The following FHL5 variants were observed in gnomAD, a reference collection of about 807,000 sequenced individuals.
FHL5 encodes the protein four and a half LIM domains 5, also known as four and a half LIM domains protein 5.
In FHL5, 33 loss-of-function variants were observed where a neutral mutation model predicts 32.0. The ratio of observed to expected loss-of-function variants is 1.03; its 90% confidence interval spans 0.78 to 1.38. The LOEUF is 1.38. FHL5 is among the 40% of genes most tolerant of loss of function. The pLI, the probability that FHL5 is intolerant of heterozygous loss-of-function variation, is 0.00. For missense variants in FHL5, 336 were observed against 343.9 expected (o/e 0.98, Z 0.18); for synonymous variants, 114 against 113.6 (o/e 1.00, Z -0.02).
At chr6:96,602,542 G>T (rs1396932705) in intron 1 of FHL5, among the ~76,000 whole-genome samples, 2 of 142,534 alleles carry the variant, frequency 1.4e-5, no homozygotes, top group African/African-American at 5.3e-5. Flanking sequence ...CGCCTCCCGG[G>T]TTCACGCCAT....
Position 96,604,794 on chromosome 6 carries a change from G to C in FHL5, c.204G>C (p.Lys68Asn). Reference protein sequence around the residue: ...KDRHWHEGCFKCTKCNHSLVE... With the variant: ...KDRHWHEGCFNCTKCNHSLVE... ...GGCACTGGCATGAAGGATGCTTCAAGTGCACCAAATGCAATCACTCTTTGG... is the reference window on the plus strand; with the variant it reads ...GGCACTGGCATGAAGGATGCTTCAACTGCACCAAATGCAATCACTCTTTGG... Residue 68 changes from lysine (K) to asparagine (N), a missense_variant, in exon 3 of 6, where the codon AAG (lysine) becomes AAC (asparagine). Transcript: ENST00000450218. 6.2e-7 allele frequency: 1 copy of C among 1,614,000 alleles called. No homozygotes were observed. Among genetic ancestry groups the C allele is most frequent in the Non-Finnish European group, 8.5e-7 (1 of 1,179,906 alleles).
At chr6:96,564,567 C>T (rs973914299) in intron 1 of FHL5, among the ~76,000 whole-genome samples, 5 of 151,910 alleles carry the variant, frequency 3.3e-5, no homozygotes, top group Non-Finnish European at 5.9e-5. Flanking sequence ...TTGAGTAAAG[C>T]TGAATTAATC....
At chr6:96,588,701 C>G (rs927861774) in intron 1 of FHL5, among the ~76,000 whole-genome samples, 1 of 151,920 alleles carries the variant, frequency 6.6e-6, no homozygotes, top group African/African-American at 2.4e-5. Context: ...GAATTAAAAA[C>G]AAGCTAATGG....
At chr6:96,606,800 G>A (rs1032116678) in intron 4 of FHL5, among the ~76,000 whole-genome samples, 4 of 152,152 alleles carry the variant, frequency 2.6e-5, no homozygotes, top group African/African-American at 9.7e-5. Context: ...AAGTGACTAA[G>A]GGAACCAAGT....
chr6:96,589,579 G>A (rs1405295539), intron 1 of FHL5, among the ~76,000 whole-genome samples: 2 of 151,860 alleles, frequency 1.3e-5, no homozygotes, highest in East Asian at 3.9e-4. Context: ...ACATGTTTTG[G>A]ATATGACTTC....
intron 1 of FHL5, among the ~76,000 whole-genome samples, chr6:96,564,878 A>AGGAGAGGAAGAGAAGAAAGAG (rs1770319235): frequency 2.0e-5 from 3 of 152,078 alleles, no homozygotes; most frequent in Admixed American, 2.0e-4. Context: ...AGCTCATTGA[A>AGGAGAGGAAGAGAAGAAAGAG]GGAGAGGAAG....
chr6:96,596,121 CT>C (rs1771028445), intron 1 of FHL5, among the ~76,000 whole-genome samples: 1 of 151,814 alleles, frequency 6.6e-6, no homozygotes, highest in Non-Finnish European at 1.5e-5. Context: ...AGTTTTAGAC[CT>C]TACAGTTAGT....
At chr6:96,571,842 G>A (rs1770485111) in intron 1 of FHL5, among the ~76,000 whole-genome samples, 1 of 152,116 alleles carries the variant, frequency 6.6e-6, no homozygotes, top group South Asian at 2.1e-4. Context: ...AGTAGTGATT[G>A]TAGACCCTGG....
At chr6:96,574,767 T>A (rs1402613065) in intron 1 of FHL5, among the ~76,000 whole-genome samples, 2 of 152,200 alleles carry the variant, frequency 1.3e-5, no homozygotes, top group Non-Finnish European at 2.9e-5. Context: ...CTATTCCAAA[T>A]AATATATATA....
At chr6:96,577,691 G>A (rs1327169156) in intron 1 of FHL5, among the ~76,000 whole-genome samples, 3 of 152,152 alleles carry the variant, frequency 2.0e-5, no homozygotes. Flanking sequence ...GAACCTCTCT[G>A]CTCATGCTTA....
intron 1 of FHL5, among the ~76,000 whole-genome samples, chr6:96,572,983 A>T (rs1482373428): frequency 1.3e-5 from 2 of 152,204 alleles, no homozygotes; most frequent in Non-Finnish European, 2.9e-5. Flanking sequence ...AGGGGCTTCT[A>T]GTTGGCTATC....
chr6:96,565,765 T>C (rs1215441869), intron 1 of FHL5, among the ~76,000 whole-genome samples: 1 of 152,178 alleles, frequency 6.6e-6, no homozygotes, highest in Non-Finnish European at 1.5e-5. Context: ...TGATTTTGTT[T>C]AACTATCTCT....
chr6:96,594,663 TGG>T (rs1770998538), intron 1 of FHL5, among the ~76,000 whole-genome samples: 1 of 152,018 alleles, frequency 6.6e-6, no homozygotes, highest in Non-Finnish European at 1.5e-5. Context: ...ACCACTCATT[TGG>T]TTTGATTTGG....
intron 1 of FHL5, among the ~76,000 whole-genome samples, chr6:96,590,520 T>C (rs1562058253): frequency 6.6e-6 from 1 of 152,006 alleles, no homozygotes; most frequent in Non-Finnish European, 1.5e-5. Flanking sequence ...TATTATAGAA[T>C]TTTTTTGATT....
chr6:96,618,590 A>C lies in FHL5; in HGVS notation c.*2818A>C, dbSNP rs1771568608. Among the ~76,000 whole-genome samples, 1 of 152,220 alleles carries C rather than the reference A, an allele frequency of 6.6e-6. No homozygotes were observed. The highest frequency in any genetic ancestry group is 2.1e-4 in the South Asian group (1 of 4,834). ...GTTCCAAGGATTAAGTTTCTTACTG[A>C]AGGAATAAGTTTGGTTAATGGCTAC... On this transcript the variant is annotated 3_prime_UTR_variant, in exon 6 of 6. Transcript: ENST00000450218.
rs1219277794 is a variant in FHL5 at position 96,610,751 on chromosome 6, C to T, written c.684C>T (p.Pro228=). ...ACAAGTGTGTAGCCTGTTCCAAACC[C>T]ATTAGTGGTGAGTTCTTCAGTTCAA... is the stretch of plus-strand genomic sequence containing the variant. ...YANKCVACSK[P]ISGLTGAKFI... is the part of the protein sequence containing the mutation. Residue 228 remains proline (P), a synonymous_variant, in exon 5 of 6, where the codon CCC becomes CCT. Transcript: ENST00000450218. 7 of 1,609,718 alleles carry T rather than the reference C, an allele frequency of 4.3e-6. No individual in the cohort carries two copies. The South Asian group carries it at 7.7e-5, about 18-fold the overall frequency.
Position 96,605,938 on chromosome 6 carries a change from A to G in FHL5, c.371A>G (p.His124Arg), listed in dbSNP as rs1186719540. The G allele has an allele frequency of 1.9e-6, 3 of 1,614,150 alleles. No homozygotes were observed. In the East Asian group the frequency reaches 6.7e-5, roughly 36 times the overall value. The change falls in exon 4 of 6, where the codon CAT (histidine) becomes CGT (arginine). Residue 124 changes from histidine to arginine, a missense_variant. His to Arg is a conservative substitution (Grantham distance 29). Transcript: ENST00000450218. ...ATGGAATTTAAGGGAAACTACTGGC[A>G]TGAAACCTGTTTTGTGTGTGAGAAT... Reference protein sequence around the residue: ...RKMEFKGNYWHETCFVCENCR... With the variant: ...RKMEFKGNYWRETCFVCENCR...
intron 5 of FHL5, among the ~76,000 whole-genome samples, chr6:96,611,007 A>C (rs1771395515): frequency 6.6e-6 from 1 of 152,184 alleles, no homozygotes; most frequent in African/African-American, 2.4e-5. Context: ...AATGGTACTG[A>C]CTCTAACATT....
At chr6:96,606,223 T>A in intron 4 of FHL5, 152 bp downstream of exon 4, 1 of 554,508 alleles carries the variant, frequency 1.8e-6, no homozygotes, top group East Asian at 3.0e-5. Context: ...AACCACTAGT[T>A]GTCACGATGA....
Sources: allele counts gnomAD v4.1 joint callset (sites outside exome capture counted in the v4.1 genomes callset), GRCh38; gene constraint gnomAD v4.1.1; transcripts MANE v1.5; gene names NCBI Gene and HGNC (gene_info 2026-07-23, HGNC 2026-07-21).